Variants in GNB5 observed in about 807,000 individuals in gnomAD.
The protein encoded by GNB5 is G protein subunit beta 5.
Under a neutral mutation model 55.3 loss-of-function variants are expected in GNB5, and 37 were observed. That is an observed-to-expected ratio of 0.67 (90% CI 0.51 to 0.88). The LOEUF is 0.88. Among genes scored for constraint, GNB5 ranks in the 40% least tolerant of loss-of-function variants. The probability of loss-of-function intolerance (pLI) is 0.00; values close to 1 mark genes in which losing one functional copy is unlikely to be tolerated. For missense variants in GNB5, 476 were observed against 515.3 expected, an observed-to-expected ratio of 0.92 and a Z score of 0.74; for synonymous variants, 219 against 198.5, an observed-to-expected ratio of 1.10 and a Z score of -0.87.
Position 52,177,103 on chromosome 15 carries a change from C to A in GNB5, c.238+2665G>T, listed in dbSNP as rs988214022. Among the ~76,000 whole-genome samples the A allele has an allele frequency of 1.2e-3, 171 of 142,168 alleles. 2 individuals carry two copies. Among genetic ancestry groups the A allele is most frequent in the Non-Finnish European group, 2.4e-4 (16 of 66,908 alleles). 93.3% of individuals were successfully genotyped at this position (142,168 alleles called of 152,430 possible). A position where few individuals can be genotyped will look rare whatever the true frequency, so the allele number is the denominator to read the frequency against. The stretch of plus-strand genomic sequence containing the variant: ...AGGCTGGAGTGCAGTGGCAAGATCT[C>A]GGCTCACTGCAACCTCCAACTCCCT... On this transcript the variant is annotated intron_variant, in intron 3 of 12. Transcript: ENST00000261837.
Position 52,120,341 on chromosome 15 carries a change from T to C in GNB5, c.*2416A>G, listed in dbSNP as rs553475308. On this transcript the variant is annotated 3_prime_UTR_variant, in exon 13 of 13. Transcript: ENST00000261837. ...ATGCTGTCACATAGTCCAAATCAAG[T>C]ATCTCATCAGCAAATCCCGACAGCA... 1 of 152,374 alleles carries C rather than the reference T, an allele frequency of 6.6e-6. No individual in the cohort carries two copies. The highest frequency in any genetic ancestry group is 2.1e-4 in the South Asian group (1 of 4,828). 9.4% of individuals were successfully genotyped at this position (152,374 alleles called of 1,614,324 possible). A position where few individuals can be genotyped will look rare whatever the true frequency, so the allele number is the denominator to read the frequency against.
chr15:52,145,689 A>G (rs1184532664), intron 6 of GNB5, among the ~76,000 whole-genome samples: 2 of 152,036 alleles, frequency 1.3e-5, no homozygotes, highest in Admixed American at 6.6e-5. Context: ...CATGGGCTCC[A>G]AAGGGACAAG....
At chr15:52,168,722 C>T (rs1822994424) in intron 3 of GNB5, among the ~76,000 whole-genome samples, 1 of 152,296 alleles carries the variant, frequency 6.6e-6, no homozygotes, top group South Asian at 2.1e-4. Context: ...TCAAAATATA[C>T]TACAAGGCTA....
At chr15:52,158,222 T>C (rs915606611) in intron 3 of GNB5, among the ~76,000 whole-genome samples, 9 of 152,124 alleles carry the variant, frequency 5.9e-5, no homozygotes, top group African/African-American at 1.9e-4. Flanking sequence ...CCTGGCTCTG[T>C]CGCACACCAG....
chr15:52,175,004 C>T (rs1228755023), intron 3 of GNB5, among the ~76,000 whole-genome samples: 1 of 151,994 alleles, frequency 6.6e-6, no homozygotes, highest in East Asian at 1.9e-4. Context: ...ACCTGGAATG[C>T]GGAGGTTGCA....
intron 7 of GNB5, chr15:52,140,231 C>T (rs752547735): frequency 5.9e-6 from 1 of 170,244 alleles, no homozygotes; most frequent in Non-Finnish European, 1.3e-5. Context: ...AGGCTTTAAT[C>T]TAACTCAGAC....
intron 5 of GNB5, 29 bp downstream of exon 5, chr15:52,149,855 C>G (rs1440398640): frequency 2.5e-6 from 4 of 1,572,118 alleles, no homozygotes; most frequent in Non-Finnish European, 3.5e-6. Context: ...TCTGAAGCCT[C>G]TATAACGTGG....
chr15:52,145,098 T>C (rs1025002046), intron 6 of GNB5, among the ~76,000 whole-genome samples: 2 of 152,214 alleles, frequency 1.3e-5, no homozygotes, highest in African/African-American at 4.8e-5. Flanking sequence ...GTCTTGGAAC[T>C]GTGCCTTCTA....
intron 2 of GNB5, among the ~76,000 whole-genome samples, chr15:52,182,404 C>T (rs1451113989): frequency 6.6e-6 from 1 of 152,184 alleles, no homozygotes; most frequent in Non-Finnish European, 1.5e-5. Flanking sequence ...AGACCTGAGG[C>T]ACGTGGTACT....
intron 3 of GNB5, among the ~76,000 whole-genome samples, chr15:52,155,955 C>G (rs2034199564): frequency 6.6e-6 from 1 of 152,160 alleles, no homozygotes; most frequent in Admixed American, 6.5e-5. Flanking sequence ...ACCTCAACGG[C>G]CTTATTTTAA....
intron 3 of GNB5, among the ~76,000 whole-genome samples, chr15:52,164,243 G>A (rs1306042760): frequency 2.0e-5 from 3 of 149,020 alleles, no homozygotes; most frequent in Admixed American, 6.8e-5. Context: ...GGGAGGCAGA[G>A]GTTGCAGTGA....
intron 3 of GNB5, among the ~76,000 whole-genome samples, chr15:52,167,671 CA>C (rs35907647): frequency 0.26 from 35,932 of 140,854 alleles, 4,695 homozygotes; most frequent in Admixed American, 0.36. Context: ...GACTCCATTT[CA>C]AAAAAAAAAA....
intron 3 of GNB5, among the ~76,000 whole-genome samples, chr15:52,179,069 A>G (rs1183447534): frequency 6.6e-6 from 1 of 152,268 alleles, no homozygotes; most frequent in Non-Finnish European, 1.5e-5. Flanking sequence ...TAAAAATCAC[A>G]GAGCCAGTTC....
At chr15:52,128,025 T>C (rs966570869) in intron 10 of GNB5, among the ~76,000 whole-genome samples, 171 bp downstream of exon 10, 1 of 152,232 alleles carries the variant, frequency 6.6e-6, no homozygotes, top group Admixed American at 6.5e-5. Flanking sequence ...AAGGAATTCA[T>C]CCAACTATGA....
intron 7 of GNB5, among the ~76,000 whole-genome samples, 186 bp downstream of exon 7, chr15:52,140,954 T>G (rs1292893267): frequency 6.6e-6 from 1 of 152,288 alleles, no homozygotes; most frequent in Non-Finnish European, 1.5e-5. Flanking sequence ...CAACAATCAC[T>G]AGCCCCAACC....
intron 7 of GNB5, chr15:52,137,376 A>G: frequency 2.9e-6 from 3 of 1,036,132 alleles, no homozygotes; most frequent in Non-Finnish European, 3.5e-6. Context: ...TGGCCAGGTG[A>G]AAGAAGGGAA....
At chr15:52,170,678 T>A (rs948541457) in intron 3 of GNB5, among the ~76,000 whole-genome samples, 17 of 148,978 alleles carry the variant, frequency 1.1e-4, no homozygotes, top group African/African-American at 4.2e-4. Context: ...AAACTGCACA[T>A]CCTGCACATG....
intron 12 of GNB5, among the ~76,000 whole-genome samples, chr15:52,123,050 G>C (rs550946609): frequency 1.1e-5 from 1 of 88,174 alleles, no homozygotes; most frequent in Admixed American, 9.9e-5. Context: ...GCCTCCTTAC[G>C]GGCCTAGCTA....
At chr15:52,153,845 G>T (rs2034150878) in intron 4 of GNB5, 95 bp downstream of exon 4, 1 of 1,068,518 alleles carries the variant, frequency 9.4e-7, no homozygotes, top group African/African-American at 1.6e-5. Flanking sequence ...AAGTCACAAA[G>T]ATCAGAAAAG....
Sources: allele counts gnomAD v4.1 joint callset (sites outside exome capture counted in the v4.1 genomes callset), GRCh38; gene constraint gnomAD v4.1.1; transcripts MANE v1.5; gene names NCBI Gene and HGNC (gene_info 2026-07-23, HGNC 2026-07-21).